The following SYT1 variants were observed in gnomAD, a reference collection of about 807,000 sequenced individuals.
SYT1 encodes the protein synaptotagmin-1.
In SYT1, 8 loss-of-function variants were observed where a neutral mutation model predicts 44.8. The observed-to-expected ratio is 0.18, with a 90% CI of 0.10 to 0.32. SYT1 has a LOEUF of 0.32. SYT1 is among the 10% of genes least tolerant of loss of function. The pLI is 1.00. For missense variants in SYT1, 286 were observed against 509.3 expected (o/e 0.56, Z 4.22); for synonymous variants, 154 against 188.8 (o/e 0.82, Z 1.51).
At chr12:78,959,727 G>C (rs1879407675) in intron 1 of SYT1, among the ~76,000 whole-genome samples, 1 of 152,110 alleles carries the variant, frequency 6.6e-6, no homozygotes, top group African/African-American at 2.4e-5. Context: ...GTTCTTCTGT[G>C]TCTGAAATTA....
chr12:79,054,967 A>T, intron 3 of SYT1, among the ~76,000 whole-genome samples: 1 of 152,040 alleles, frequency 6.6e-6, no homozygotes, highest in Admixed American at 6.6e-5. Flanking sequence ...GATTTACAGT[A>T]TTTTTTGATA....
intron 3 of SYT1, among the ~76,000 whole-genome samples, chr12:79,104,606 T>C (rs1264763410): frequency 6.6e-6 from 1 of 151,952 alleles, no homozygotes; most frequent in African/African-American, 2.4e-5. Flanking sequence ...TAATTTAGCA[T>C]CATACTATGA....
chr12:79,218,983 G>C (rs1874985313), intron 4 of SYT1, among the ~76,000 whole-genome samples: 1 of 152,116 alleles, frequency 6.6e-6, no homozygotes, highest in Admixed American at 6.5e-5. Context: ...CCCACCAACA[G>C]TGTGCAAGGG....
intron 3 of SYT1, among the ~76,000 whole-genome samples, chr12:79,076,618 A>G (rs1451672599): frequency 1.3e-5 from 2 of 152,138 alleles, no homozygotes; most frequent in Non-Finnish European, 2.9e-5. Flanking sequence ...TAAATATAAA[A>G]CATTCAGTGC....
At chr12:79,350,313 C>T (rs1421674322) in intron 8 of SYT1, among the ~76,000 whole-genome samples, 1 of 138,632 alleles carries the variant, frequency 7.2e-6, no homozygotes. Context: ...AGTGCAGTGG[C>T]GCGATCTCGG....
chr12:79,280,602 AG>A (rs1357614340), intron 4 of SYT1, among the ~76,000 whole-genome samples: 1 of 151,992 alleles, frequency 6.6e-6, no homozygotes, highest in Non-Finnish European at 1.5e-5. Flanking sequence ...TGTAGGTAAA[AG>A]ATTTATGACC....
chr12:78,924,082 G>C (rs1877163367), intron 1 of SYT1, among the ~76,000 whole-genome samples: 1 of 151,758 alleles, frequency 6.6e-6, no homozygotes, highest in South Asian at 2.1e-4. Context: ...CTCAATTTAA[G>C]TTTGTCAAAT....
chr12:79,028,663 G>T (rs1246842520), intron 2 of SYT1, among the ~76,000 whole-genome samples: 1 of 151,280 alleles, frequency 6.6e-6, no homozygotes, highest in East Asian at 1.9e-4. Context: ...AGCCATTTAG[G>T]TATAATTGGT....
At chr12:78,871,572 A>G (rs1198987913) in intron 1 of SYT1, among the ~76,000 whole-genome samples, 1 of 152,012 alleles carries the variant, frequency 6.6e-6, no homozygotes. Flanking sequence ...TTTTTAGACA[A>G]ATGATTTATT....
chr12:79,050,293 C>T (rs1017037598), intron 3 of SYT1, among the ~76,000 whole-genome samples: 4 of 151,992 alleles, frequency 2.6e-5, no homozygotes, highest in African/African-American at 9.7e-5. Flanking sequence ...CTCATCTTCA[C>T]ATTAACTAGG....
chr12:79,217,384 G>T, intron 3 of SYT1, 119 bp from the exon 4 acceptor site: 1 of 775,600 alleles, frequency 1.3e-6, no homozygotes, highest in Non-Finnish European at 1.9e-6. Flanking sequence ...GCTAATGATG[G>T]ACTATTTACC....
chr12:79,030,077 A>G (rs556712184), intron 2 of SYT1, among the ~76,000 whole-genome samples: 2 of 151,288 alleles, frequency 1.3e-5, no homozygotes, highest in East Asian at 3.9e-4. Flanking sequence ...CAAAAATTCT[A>G]CATACTTCAT....
chr12:79,264,263 T>C (rs907777033), intron 4 of SYT1, among the ~76,000 whole-genome samples: 2 of 151,522 alleles, frequency 1.3e-5, no homozygotes, highest in African/African-American at 4.9e-5. Context: ...CACTGCAAGC[T>C]CCACCTCTCA....
At chr12:79,156,847 C>T (rs1184323971) in intron 3 of SYT1, among the ~76,000 whole-genome samples, 1 of 152,108 alleles carries the variant, frequency 6.6e-6, no homozygotes, top group East Asian at 1.9e-4. Flanking sequence ...ATTAGATGTA[C>T]TCAGTGACTT....
intron 2 of SYT1, among the ~76,000 whole-genome samples, chr12:79,045,122 G>C (rs568489547): frequency 6.6e-6 from 1 of 152,134 alleles, no homozygotes; most frequent in African/African-American, 2.4e-5. Context: ...AGGCAGGCAG[G>C]CCTCCTTGAG....
At chr12:78,942,186 T>C (rs2137255982) in intron 1 of SYT1, among the ~76,000 whole-genome samples, 1 of 152,032 alleles carries the variant, frequency 6.6e-6, no homozygotes, top group Non-Finnish European at 1.5e-5. Flanking sequence ...TCAAGCTTTA[T>C]GTCCTTTAAC....
At chr12:79,008,717 C>T (rs992545010) in intron 2 of SYT1, among the ~76,000 whole-genome samples, 7 of 152,078 alleles carry the variant, frequency 4.6e-5, no homozygotes, top group African/African-American at 9.7e-5. Flanking sequence ...ATGTTGGATA[C>T]GTAAGGTGCT....
intron 3 of SYT1, among the ~76,000 whole-genome samples, chr12:79,188,928 C>A (rs1872954873): frequency 6.7e-6 from 1 of 148,910 alleles, no homozygotes; most frequent in Non-Finnish European, 1.5e-5. Flanking sequence ...CTTATAAAAA[C>A]CAAAGATCTG....
intron 9 of SYT1, among the ~76,000 whole-genome samples, chr12:79,389,143 C>A (rs1884555532): frequency 6.6e-6 from 1 of 152,154 alleles, no homozygotes; most frequent in Non-Finnish European, 1.5e-5. Flanking sequence ...CATAAACAAA[C>A]CCTGACAAGA....
Sources: gnomAD v4.1 joint callset for allele counts (sites outside exome capture counted in the v4.1 genomes callset) on GRCh38, gnomAD v4.1.1 for gene constraint, MANE v1.5 for transcripts, NCBI Gene and HGNC (gene_info 2026-07-23, HGNC 2026-07-21) for gene names.